TCF7: variants seen among roughly 807,000 people sequenced by gnomAD.
TCF7 encodes transcription factor 7.
Under a neutral mutation model 46.8 loss-of-function variants are expected in TCF7, and 19 were observed. That is an observed-to-expected ratio of 0.41 (90% CI 0.28 to 0.60). TCF7 has a LOEUF of 0.60. Ranked by LOEUF, TCF7 falls within the 20% of genes least tolerant of loss-of-function variation. The probability of loss-of-function intolerance (pLI) is 0.35; values close to 1 mark genes in which losing one functional copy is unlikely to be tolerated. For synonymous variants in TCF7, 245 were observed against 213.4 expected (o/e 1.15, Z -1.29); for missense variants, 547 against 504.6 (o/e 1.08, Z -0.81).
rs1755753381 is a variant in TCF7 at position 134,115,892 on chromosome 5, AGCTGT to A, written c.317-15_317-11del. The A allele has an allele frequency of 1.9e-6, 3 of 1,613,704 alleles. No individual in the cohort carries two copies. The African/African-American group carries it at 4.0e-5, about 22-fold the overall frequency. ...CTGCCAGGGCTGGTGTGTCTGACCC[AGCTGT>A]GGTTTTTCCAGGCCTGAAGGCCCCG... On this transcript the variant is annotated splice_polypyrimidine_tract_variant and intron_variant, in intron 2 of 9. Transcript: ENST00000342854.
rs1189340766 is a variant in TCF7, at chr5:134,147,962, A to C, written c.*1659A>C. The C allele has an allele frequency of 8.0e-6, 1 of 125,678 alleles. No homozygotes were observed. The highest frequency in any genetic ancestry group is 3.2e-5 in the African/African-American group (1 of 30,876). 7.8% of individuals were successfully genotyped at this position (125,678 alleles called of 1,614,324 possible). Reference sequence around the variant, plus strand: ...TTGCACTCCAGTCTGGGTAACAGGGAGACTGCATCTCAAAAAAAAAAAAAA... The same window carrying C: ...TTGCACTCCAGTCTGGGTAACAGGGCGACTGCATCTCAAAAAAAAAAAAAA... On this transcript the variant is annotated 3_prime_UTR_variant, in exon 10 of 10. Coordinates refer to ENST00000342854, the MANE Select transcript of TCF7 (RefSeq NM_003202.5).
Position 134,114,730 on chromosome 5 carries a change from G to C in TCF7, c.-177G>C. On this transcript the variant is annotated 5_prime_UTR_variant, in exon 1 of 10. Transcript: ENST00000342854. Reference sequence around the variant, plus strand: ...TTCCGACCCGCCAGCTCGCGGAGCCGCTCTGCCCCGCGCCCTAGCCCGCGC... The same window carrying C: ...TTCCGACCCGCCAGCTCGCGGAGCCCCTCTGCCCCGCGCCCTAGCCCGCGC... 1.9e-6 allele frequency: 1 copy of C among 526,024 alleles called. No individual in the cohort carries two copies. Among genetic ancestry groups the C allele is most frequent in the Non-Finnish European group, 2.4e-6 (1 of 414,664 alleles). The allele number at this position is 526,024 out of a possible 1,614,324, so 32.6% of individuals were successfully genotyped here.
chr5:134,112,622 G>GA (rs562021898), upstream of TCF7, among the ~76,000 whole-genome samples: 1 of 151,736 alleles, frequency 6.6e-6, no homozygotes, highest in Non-Finnish European at 1.5e-5. Context: ...AACAGATGGG[G>GA]AAAAAAATGT....
intron 3 of TCF7, among the ~76,000 whole-genome samples, chr5:134,130,533 T>C (rs1002415316): frequency 2.6e-5 from 4 of 152,230 alleles, no homozygotes; most frequent in African/African-American, 9.6e-5. Flanking sequence ...CAGGTGTCTG[T>C]CCAGAAGAAG....
intron 3 of TCF7, among the ~76,000 whole-genome samples, chr5:134,121,471 C>G (rs1279765285): frequency 6.6e-6 from 1 of 151,676 alleles, no homozygotes; most frequent in African/African-American, 2.4e-5. Flanking sequence ...GTAATCCCAG[C>G]TACTCTACTC....
At chr5:134,140,813 AC>A (rs1759630993) in intron 5 of TCF7, 1 of 454,818 alleles carries the variant, frequency 2.2e-6, no homozygotes, top group Non-Finnish European at 4.4e-6. Context: ...CCTCCTCTCT[AC>A]CCCCTGTCCC....
intron 3 of TCF7, among the ~76,000 whole-genome samples, chr5:134,119,736 C>A (rs144768162): frequency 6.6e-6 from 1 of 152,236 alleles, no homozygotes; most frequent in Non-Finnish European, 1.5e-5. Flanking sequence ...GAGCAAGGCT[C>A]CAGCAGAGGA....
intron 7 of TCF7, 33 bp downstream of exon 7, chr5:134,142,916 G>C (rs1760065580): frequency 6.2e-7 from 1 of 1,610,712 alleles, no homozygotes; most frequent in South Asian, 1.1e-5. Flanking sequence ...TGGCAGGGAT[G>C]CTCCCCGACC....
At chr5:134,130,821 C>T (rs1248978576) in intron 3 of TCF7, among the ~76,000 whole-genome samples, 6 of 152,290 alleles carry the variant, frequency 3.9e-5, no homozygotes, top group East Asian at 3.9e-4. Context: ...GGCTTACACA[C>T]GCCTCCCACC....
rs779396127 is a variant in TCF7, at chr5:134,138,143, G to A, written c.526G>A (p.Ala176Thr). 1 of 1,613,380 alleles carries A rather than the reference G, an allele frequency of 6.2e-7. No individual in the cohort carries two copies. Among genetic ancestry groups the A allele is most frequent in the Middle Eastern group, 1.7e-4 (1 of 6,058 alleles). Residue 176 changes from alanine to threonine, a missense_variant, in exon 4 of 10, where the codon GCG (alanine) becomes ACG (threonine). Transcript: ENST00000342854. ...CAGCCCACATCCCACCCCTGCACCT[G>A]CGGACATCAGCCAGAAGCAAGGTAC... The part of the protein sequence containing the change: ...FNSPHPTPAP[A>T]DISQKQVHRP...
chr5:134,115,039 G>C lies in TCF7; in HGVS notation c.133G>C (p.Glu45Gln). 1 of 1,242,354 alleles carries C rather than the reference G, an allele frequency of 8.0e-7. No individual in the cohort carries two copies. The highest frequency in any genetic ancestry group is 1.6e-5 in the African/African-American group (1 of 62,300). The allele number at this position is 1,242,354 out of a possible 1,614,324, so 77.0% of individuals were successfully genotyped here. ...DKSRDSAAGP[E>Q]RDLAELKSSL... ...GAGCCGCGACAGCGCCGCCGGTCCC[G>C]AGCGCGACCTGGCCGAGCTCAAGTC... The change falls in exon 1 of 10, where the codon GAG (glutamate) becomes CAG (glutamine). Residue 45 changes from glutamate to glutamine, a missense_variant. Around this residue, in one of 3 missense-constraint regions of TCF7, gnomAD observed 425 missense variants for 349.9 expected, o/e 1.21. Transcript: ENST00000342854.
chr5:134,142,336 T>C (rs371087876), intron 6 of TCF7, 32 bp downstream of exon 6: 2 of 1,552,170 alleles, frequency 1.3e-6, no homozygotes, highest in East Asian at 2.3e-5. Context: ...GCAGGGGGTG[T>C]GTCAGTCAGG....
chr5:134,121,736 G>A (rs141076871), intron 3 of TCF7, among the ~76,000 whole-genome samples: 3 of 152,242 alleles, frequency 2.0e-5, no homozygotes, highest in Non-Finnish European at 4.4e-5. Flanking sequence ...GCTTGCTCCC[G>A]GGCTGCCTTC....
intron 3 of TCF7, among the ~76,000 whole-genome samples, chr5:134,136,019 CAA>C (rs1758811346): frequency 6.6e-6 from 1 of 152,068 alleles, no homozygotes. Flanking sequence ...GGGACTTTGA[CAA>C]GAGTCATCTA....
intron 3 of TCF7, among the ~76,000 whole-genome samples, chr5:134,137,570 C>T (rs915057918): frequency 3.3e-5 from 5 of 152,124 alleles, no homozygotes; most frequent in African/African-American, 1.2e-4. Context: ...TTGAGGAGGG[C>T]CCTTCCCTGT....
intron 3 of TCF7, among the ~76,000 whole-genome samples, chr5:134,130,042 G>T (rs1757900778): frequency 6.6e-6 from 1 of 152,242 alleles, no homozygotes; most frequent in African/African-American, 2.4e-5. Context: ...GCACGCTGTG[G>T]GCAGGGAGCT....
intron 4 of TCF7, chr5:134,138,716 C>T: frequency 1.8e-6 from 1 of 548,660 alleles, no homozygotes; most frequent in East Asian, 3.1e-5. Flanking sequence ...GCTCTGCCTA[C>T]TGGCCCCCTA....
At chr5:134,115,659 G>C in intron 2 of TCF7, 1 of 1,432,590 alleles carries the variant, frequency 7.0e-7, no homozygotes, top group Non-Finnish European at 9.1e-7. Flanking sequence ...GCCTTCAGGA[G>C]ACAGAATTGG....
intron 3 of TCF7, among the ~76,000 whole-genome samples, chr5:134,129,976 A>C (rs1249612413): frequency 6.6e-6 from 1 of 152,220 alleles, no homozygotes; most frequent in Non-Finnish European, 1.5e-5. Flanking sequence ...GTGGCCACGC[A>C]TCCACACTCT....
Sources: gnomAD v4.1 joint callset for allele counts (sites outside exome capture counted in the v4.1 genomes callset) on GRCh38, gnomAD v4.1.1 for gene constraint, gnomAD v4.1.1 regional missense constraint, MANE v1.5 for transcripts, NCBI Gene and HGNC (gene_info 2026-07-23, HGNC 2026-07-21) for gene names.